Variants in ABCC4 observed in about 807,000 individuals in gnomAD.
The protein encoded by ABCC4 is ATP-binding cassette sub-family C member 4.
Under a neutral mutation model 168.5 loss-of-function variants are expected in ABCC4, and 102 were observed. The ratio of observed to expected loss-of-function variants is 0.61; its 90% CI spans 0.52 to 0.71. ABCC4 has a LOEUF of 0.71. ABCC4 is among the 30% of genes least tolerant of loss of function. ABCC4 has a pLI of 0.00. For missense variants in ABCC4, 1,402 were observed against 1,605.8 expected (o/e 0.87, Z 2.17); for synonymous variants, 617 against 590.7 (o/e 1.04, Z -0.65).
At chr13:95,024,826 C>G (rs974055008) in intron 30 of ABCC4, among the ~76,000 whole-genome samples, 1 of 152,144 alleles carries the variant, frequency 6.6e-6, no homozygotes, top group Non-Finnish European at 1.5e-5. Context: ...TCAGAAACCA[C>G]TCTGAACATC....
rs567007947 is a variant in ABCC4 at position 95,189,289 on chromosome 13, G to A, written c.1264-747C>T. 6.0e-5 allele frequency among the ~76,000 whole-genome samples: 9 copies of A among 150,892 alleles called. 1 individual carries two copies. The highest frequency in any genetic ancestry group is 4.9e-5 in the African/African-American group (2 of 41,070). ...GCTGGGACTACAGGCGCCTGCCACT[G>A]CGCCCAGCTAATTTTTTGTATTTTT... On this transcript the variant is annotated intron_variant, in intron 9 of 30. Transcript: ENST00000645237.
intron 19 of ABCC4, among the ~76,000 whole-genome samples, chr13:95,147,818 G>C (rs1420976602): frequency 6.6e-6 from 1 of 152,080 alleles, no homozygotes; most frequent in African/African-American, 2.4e-5. Context: ...CTCAACTTCA[G>C]CTGTATCGTT....
At chr13:95,103,994 C>T (rs890422129) in intron 20 of ABCC4, among the ~76,000 whole-genome samples, 3 of 152,178 alleles carry the variant, frequency 2.0e-5, no homozygotes, top group Admixed American at 2.0e-4. Context: ...ACCAGCTTCC[C>T]CAAGCAGGGC....
chr13:95,087,055 G>A (rs770310050), intron 20 of ABCC4, among the ~76,000 whole-genome samples: 9 of 152,048 alleles, frequency 5.9e-5, no homozygotes, highest in East Asian at 1.9e-4. Context: ...AAACAAAGCA[G>A]GGTTCACTTC....
At chr13:95,118,884 G>A (rs1300089998) in intron 19 of ABCC4, among the ~76,000 whole-genome samples, 1 of 152,084 alleles carries the variant, frequency 6.6e-6, no homozygotes, top group Non-Finnish European at 1.5e-5. Flanking sequence ...AAAGTGAATC[G>A]AATTTCTCTT....
intron 19 of ABCC4, among the ~76,000 whole-genome samples, chr13:95,141,208 T>A (rs566602665): frequency 1.2e-4 from 18 of 152,314 alleles, no homozygotes; most frequent in African/African-American, 4.1e-4. Flanking sequence ...CCTCTGACAT[T>A]ACAAGTCGGA....
At position 95,159,087 on chromosome 13, in the gene ABCC4, T is replaced by G. The variant is rs1244895468; in HGVS notation, c.2455+2102A>C. 1.7e-3 allele frequency among the ~76,000 whole-genome samples: 108 copies of G among 63,868 alleles called. 1 individual carries two copies. The highest frequency in any genetic ancestry group is 5.0e-3 in the African/African-American group (100 of 19,808). 41.9% of individuals were successfully genotyped at this position (63,868 alleles called of 152,430 possible). On this transcript the variant is annotated intron_variant, in intron 19 of 30. Coordinates refer to ENST00000645237, the MANE Select transcript of ABCC4 (RefSeq NM_005845.5). ...AACAGAATGAGACCTTATTTCTAAA[T>G]AAATTTTATATATATATATATATAT...
chr13:95,082,868 C>G (rs927659820), intron 21 of ABCC4, among the ~76,000 whole-genome samples: 1 of 152,160 alleles, frequency 6.6e-6, no homozygotes, highest in Non-Finnish European at 1.5e-5. Context: ...CGGAGAGTCC[C>G]TGTCTTCACA....
At chr13:95,060,746 A>G (rs2033257333) in intron 26 of ABCC4, among the ~76,000 whole-genome samples, 1 of 152,234 alleles carries the variant, frequency 6.6e-6, no homozygotes, top group Admixed American at 6.5e-5. Context: ...TACAATACAC[A>G]TAGCATAAAA....
intron 21 of ABCC4, among the ~76,000 whole-genome samples, chr13:95,078,638 A>G (rs530773844): frequency 5.9e-5 from 9 of 152,254 alleles, no homozygotes; most frequent in African/African-American, 2.2e-4. Context: ...TGCACCCTGG[A>G]ACTTGGTCAA....
chr13:95,094,426 C>T (rs1028789103), intron 20 of ABCC4, among the ~76,000 whole-genome samples: 2 of 152,122 alleles, frequency 1.3e-5, no homozygotes, highest in East Asian at 3.8e-4. Flanking sequence ...GGAAAGGACA[C>T]CCTTTTCAAC....
chr13:95,117,223 T>C (rs2139415498), intron 19 of ABCC4, among the ~76,000 whole-genome samples: 1 of 150,492 alleles, frequency 6.6e-6, no homozygotes, highest in East Asian at 1.9e-4. Context: ...CTCTAGAGGG[T>C]TGTCCTAGGG....
At chr13:95,237,323 A>G (rs2039802913) in intron 3 of ABCC4, among the ~76,000 whole-genome samples, 1 of 152,212 alleles carries the variant, frequency 6.6e-6, no homozygotes. Flanking sequence ...CTAATAAGAA[A>G]CGAAACAACT....
intron 20 of ABCC4, among the ~76,000 whole-genome samples, chr13:95,102,064 T>C (rs1262704370): frequency 6.6e-6 from 1 of 152,190 alleles, no homozygotes; most frequent in Non-Finnish European, 1.5e-5. Context: ...AGGTAAGCGG[T>C]AGAGCTAGGA....
Position 95,151,829 on chromosome 13 carries a change from A to G in ABCC4, c.2455+9360T>C, listed in dbSNP as rs187743574. Reference sequence around the variant, plus strand: ...CCTGTTAGAACCCTGAGGCTAAGAGAAGTAATGTGACCGACTTAGTTACCA... The same window carrying G: ...CCTGTTAGAACCCTGAGGCTAAGAGGAGTAATGTGACCGACTTAGTTACCA... On this transcript the variant is annotated intron_variant, in intron 19 of 30. Transcript: ENST00000645237. 2.5e-4 allele frequency among the ~76,000 whole-genome samples: 38 copies of G among 152,288 alleles called. No homozygotes were observed. The East Asian group carries it at 7.1e-3, about 29-fold the overall frequency.
chr13:95,117,175 G>T (rs2139415329), intron 19 of ABCC4, among the ~76,000 whole-genome samples: 1 of 151,900 alleles, frequency 6.6e-6, no homozygotes, highest in East Asian at 1.9e-4. Flanking sequence ...CCTTTGGCAG[G>T]CCCAGTGACA....
chr13:95,071,820 C>A lies in ABCC4; in HGVS notation c.3052G>T (p.Asp1018Tyr). ...TCCCAAGGTGCTTCTTTTTCAAGGTCTGTGTATTCAATGACCCTTTCTACT... is the reference window on the plus strand; with the variant it reads ...TCCCAAGGTGCTTCTTTTTCAAGGTATGTGTATTCAATGACCCTTTCTACT... ...ISVERVIEYT[D>Y]LEKEAPWEYQ... The change falls in exon 25 of 31, where the codon GAC becomes TAC. Residue 1018 changes from aspartate to tyrosine, a missense_variant. Asp to Tyr is a radical substitution (Grantham distance 160, BLOSUM62 -3). Transcript: ENST00000645237. 1 of 1,595,188 alleles carries A rather than the reference C, an allele frequency of 6.3e-7. No homozygotes were observed. The highest frequency in any genetic ancestry group is 1.4e-5 in the African/African-American group (1 of 74,030).
intron 1 of ABCC4, among the ~76,000 whole-genome samples, chr13:95,277,948 T>C (rs749964725): frequency 5.3e-5 from 8 of 152,064 alleles, no homozygotes; most frequent in Non-Finnish European, 1.0e-4. Flanking sequence ...GCACCTTCAA[T>C]TGACTTATGA....
chr13:95,235,825 G>C (rs2039751148), intron 3 of ABCC4, among the ~76,000 whole-genome samples: 1 of 152,146 alleles, frequency 6.6e-6, no homozygotes, highest in Non-Finnish European at 1.5e-5. Context: ...TGCCACTTTG[G>C]CTCAGGTAGT....
Sources: gnomAD v4.1 joint callset for allele counts (sites outside exome capture counted in the v4.1 genomes callset) on GRCh38, gnomAD v4.1.1 for gene constraint, MANE v1.5 for transcripts, NCBI Gene and HGNC (gene_info 2026-07-23, HGNC 2026-07-21) for gene names.